The following NSMCE2 variants were observed in gnomAD, a reference collection of about 807,000 sequenced individuals.
NSMCE2 encodes E3 SUMO-protein ligase NSE2.
Under a neutral mutation model 23.8 loss-of-function variants are expected in NSMCE2, and 24 were observed. The observed-to-expected ratio is 1.01, with a 90% CI of 0.73 to 1.42. The LOEUF is 1.42. NSMCE2 is among the 40% of genes most tolerant of loss of function. NSMCE2 has a pLI of 0.00. For synonymous variants in NSMCE2, 92 were observed against 94.1 expected, an observed-to-expected ratio of 0.98 and a Z score of 0.13; for missense variants, 284 against 296.5, an observed-to-expected ratio of 0.96 and a Z score of 0.31.
intron 5 of NSMCE2, among the ~76,000 whole-genome samples, chr8:125,254,293 G>C (rs1008127657): frequency 6.6e-6 from 1 of 152,140 alleles, no homozygotes; most frequent in African/African-American, 2.4e-5. Flanking sequence ...TCAGTGCATA[G>C]GATTTGAGTC....
At chr8:125,244,983 A>T (rs1352724233) in intron 5 of NSMCE2, among the ~76,000 whole-genome samples, 1 of 152,182 alleles carries the variant, frequency 6.6e-6, no homozygotes. Flanking sequence ...ATTTTAAGGG[A>T]TTTTAAACAT....
chr8:125,168,120 TA>T (rs1315625402), intron 4 of NSMCE2, among the ~76,000 whole-genome samples: 6 of 152,224 alleles, frequency 3.9e-5, no homozygotes, highest in African/African-American at 1.4e-4. Context: ...TGAAAGATTT[TA>T]TTTTTTTTTG....
At position 125,320,218 on chromosome 8, in the gene NSMCE2, AGGAGGGAGGGAGGGAAG is replaced by A. The variant is rs1379502527; in HGVS notation, c.419-36985_419-36969del. On this transcript the variant is annotated intron_variant, in intron 5 of 7. Coordinates refer to ENST00000287437, the MANE Select transcript of NSMCE2 (RefSeq NM_173685.4). ...AGAGAGAAAGAAAGAGAAGGAAGGAAGGAGGGAGGGAGGGAAGGGAGGGAGGGAGGGAGGGAAGGAAG... is the reference window on the plus strand; with the variant it reads ...AGAGAGAAAGAAAGAGAAGGAAGGAAGGAGGGAGGGAGGGAGGGAAGGAAG... Among the ~76,000 whole-genome samples the A allele has an allele frequency of 6.2e-3, 249 of 40,368 alleles. 3 individuals are homozygous for A. Among genetic ancestry groups the A allele is most frequent in the East Asian group, 0.011 (14 of 1,300 alleles). 26.5% of individuals were successfully genotyped at this position (40,368 alleles called of 152,430 possible).
At chr8:125,337,884 C>CAAAAAAAAAAAAAAAAAAAA (rs35658538) in intron 5 of NSMCE2, among the ~76,000 whole-genome samples, 2 of 97,374 alleles carry the variant, frequency 2.1e-5, no homozygotes, top group Non-Finnish European at 4.0e-5. Context: ...AACTCTATCT[C>CAAAAAAAAAAAAAAAAAAAA]AAAAAAAAAA....
chr8:125,132,366 A>C lies in NSMCE2; in HGVS notation c.158-18805A>C, dbSNP rs571692419. On this transcript the variant is annotated intron_variant, in intron 3 of 7. Coordinates refer to ENST00000287437, the MANE Select transcript of NSMCE2 (RefSeq NM_173685.4). ...CTCCCAAAGTGTTGGGATTACAGGCATGAGCCTCTGTGCCTGACCTGTTCA... is the reference window on the plus strand; with the variant it reads ...CTCCCAAAGTGTTGGGATTACAGGCCTGAGCCTCTGTGCCTGACCTGTTCA... 8.5e-5 allele frequency among the ~76,000 whole-genome samples: 13 copies of C among 152,286 alleles called. No individual in the cohort carries two copies. In the South Asian group the frequency reaches 1.5e-3, roughly 17 times the overall value.
chr8:125,101,723 G>A (rs1034106097), intron 1 of NSMCE2, among the ~76,000 whole-genome samples: 3 of 152,188 alleles, frequency 2.0e-5, no homozygotes, highest in Non-Finnish European at 4.4e-5. Context: ...AACTGAAACT[G>A]TTATAGTGGA....
intron 5 of NSMCE2, among the ~76,000 whole-genome samples, chr8:125,304,917 GAGAA>G (rs1828696555): frequency 1.5e-5 from 2 of 136,562 alleles, no homozygotes; most frequent in Middle Eastern, 3.8e-3. Flanking sequence ...AAAGGAAAGA[GAGAA>G]AGAAAGAAGG....
At chr8:125,121,690 TTAA>T (rs1819269360) in intron 3 of NSMCE2, among the ~76,000 whole-genome samples, 2 of 152,188 alleles carry the variant, frequency 1.3e-5, no homozygotes, top group Admixed American at 1.3e-4. Context: ...AATAGGCAAC[TTAA>T]TAATAGCCAA....
intron 5 of NSMCE2, among the ~76,000 whole-genome samples, chr8:125,336,643 T>A (rs1217530216): frequency 2.0e-5 from 3 of 152,246 alleles, no homozygotes; most frequent in African/African-American, 7.2e-5. Context: ...CATGGTTGGG[T>A]TCACAGTTTC....
At chr8:125,288,535 CCTCT>C (rs1436238402) in intron 5 of NSMCE2, among the ~76,000 whole-genome samples, 4 of 152,088 alleles carry the variant, frequency 2.6e-5, no homozygotes, top group Non-Finnish European at 5.9e-5. Flanking sequence ...TCAAATCTGG[CCTCT>C]CTCTATGTCC....
intron 5 of NSMCE2, among the ~76,000 whole-genome samples, chr8:125,239,874 G>A (rs891052055): frequency 1.3e-5 from 2 of 152,098 alleles, no homozygotes; most frequent in Admixed American, 6.5e-5. Flanking sequence ...TGTAAATAAA[G>A]ATAAAAGAGT....
intron 1 of NSMCE2, among the ~76,000 whole-genome samples, chr8:125,093,466 A>G (rs1056740347): frequency 2.6e-5 from 4 of 152,290 alleles, no homozygotes; most frequent in African/African-American, 9.6e-5. Flanking sequence ...AGGCGGGCGG[A>G]TCACTTGAGG....
intron 5 of NSMCE2, among the ~76,000 whole-genome samples, chr8:125,239,274 A>G (rs1322225883): frequency 3.3e-5 from 5 of 152,190 alleles, no homozygotes; most frequent in African/African-American, 7.2e-5. Flanking sequence ...GATATACCTT[A>G]GTGGATTTGA....
At chr8:125,227,047 G>A (rs1399524773) in intron 5 of NSMCE2, among the ~76,000 whole-genome samples, 1 of 152,064 alleles carries the variant, frequency 6.6e-6, no homozygotes, top group Non-Finnish European at 1.5e-5. Context: ...CATGTCTGGT[G>A]CAGTCTGAAA....
intron 5 of NSMCE2, among the ~76,000 whole-genome samples, chr8:125,337,015 T>C (rs1358990032): frequency 2.6e-5 from 4 of 152,268 alleles, no homozygotes; most frequent in Admixed American, 6.5e-5. Flanking sequence ...TTCAGTGACA[T>C]AGGCTTCTTA....
chr8:125,345,053 T>G lies in NSMCE2; in HGVS notation c.419-12166T>G, dbSNP rs550445018. On this transcript the variant is annotated intron_variant, in intron 5 of 7. Transcript: ENST00000287437. ...TTAAAAAAAAAAAAAAACCTCCACA[T>G]TTTTGACAGCCGATTACTACTGTAC... Among the ~76,000 whole-genome samples the G allele has an allele frequency of 9.9e-5, 15 of 151,278 alleles. 1 individual carries two copies. In the South Asian group the frequency reaches 3.1e-3, roughly 31 times the overall value.
chr8:125,117,387 T>G (rs906459917), intron 3 of NSMCE2, among the ~76,000 whole-genome samples: 22 of 152,128 alleles, frequency 1.4e-4, no homozygotes, highest in Non-Finnish European at 2.8e-4. Flanking sequence ...GCTCCCAGCC[T>G]TCAGTCTCTT....
chr8:125,144,155 G>A, intron 3 of NSMCE2, among the ~76,000 whole-genome samples: 1 of 152,124 alleles, frequency 6.6e-6, no homozygotes, highest in East Asian at 1.9e-4. Context: ...TGTACTACCG[G>A]ACCTGTTTCA....
At chr8:125,198,232 G>C (rs942802984) in intron 5 of NSMCE2, among the ~76,000 whole-genome samples, 1 of 152,146 alleles carries the variant, frequency 6.6e-6, no homozygotes, top group Non-Finnish European at 1.5e-5. Context: ...ATGTTGAATA[G>C]GAGTGGTGAG....
Sources: gnomAD v4.1 joint callset for allele counts (sites outside exome capture counted in the v4.1 genomes callset) on GRCh38, gnomAD v4.1.1 for gene constraint, MANE v1.5 for transcripts, NCBI Gene and HGNC (gene_info 2026-07-23, HGNC 2026-07-21) for gene names.